CHST15: variants seen among roughly 807,000 people sequenced by gnomAD.
CHST15 encodes the protein carbohydrate sulfotransferase 15, also known as B cell RAG associated protein (GALNAC4S-6ST).
Under a neutral mutation model 53.6 loss-of-function variants are expected in CHST15, and 30 were observed. The ratio of observed to expected loss-of-function variants is 0.56; its 90% CI spans 0.42 to 0.76. The LOEUF is 0.76. CHST15 is among the 30% of genes least tolerant of loss of function. CHST15 has a pLI of 0.00. For synonymous variants in CHST15, 296 were observed against 289.8 expected (o/e 1.02, Z -0.22); for missense variants, 627 against 740.5 (o/e 0.85, Z 1.78).
At chr10:124,076,195 A>T (rs1361166715) in intron 1 of CHST15, among the ~76,000 whole-genome samples, 2 of 152,180 alleles carry the variant, frequency 1.3e-5, no homozygotes, top group African/African-American at 4.8e-5. Flanking sequence ...ACAGTGAAAA[A>T]TCACCAGGAC....
intron 1 of CHST15, among the ~76,000 whole-genome samples, chr10:124,076,928 C>G (rs1244939341): frequency 6.6e-6 from 1 of 152,166 alleles, no homozygotes; most frequent in Admixed American, 6.5e-5. Flanking sequence ...CCAGGATGGT[C>G]TCAATCTCCT....
intron 6 of CHST15, among the ~76,000 whole-genome samples, chr10:124,015,655 T>C (rs1172346464): frequency 6.6e-6 from 1 of 152,154 alleles, no homozygotes. Flanking sequence ...ATTCATTCAT[T>C]TGGCAAATAA....
At chr10:124,063,520 GTATT>G (rs1485929246) in intron 1 of CHST15, among the ~76,000 whole-genome samples, 1 of 152,026 alleles carries the variant, frequency 6.6e-6, no homozygotes, top group Non-Finnish European at 1.5e-5. Flanking sequence ...GGTCAAACAA[GTATT>G]TATTTATAGA....
chr10:124,060,294 T>C (rs1166353479), intron 1 of CHST15, among the ~76,000 whole-genome samples: 3 of 144,400 alleles, frequency 2.1e-5, no homozygotes, highest in Non-Finnish European at 4.5e-5. Flanking sequence ...GGAGTGAGTG[T>C]GCAGAGGTGT....
intron 1 of CHST15, among the ~76,000 whole-genome samples, chr10:124,078,550 T>C (rs946870218): frequency 1.3e-5 from 2 of 152,166 alleles, no homozygotes; most frequent in African/African-American, 4.8e-5. Context: ...AGATCTGAGG[T>C]AGAAGGTCAC....
rs569088424 is a variant in CHST15, at chr10:124,014,114, C to T, written c.1348-1634G>A. Among the ~76,000 whole-genome samples the T allele has an allele frequency of 3.3e-5, 5 of 152,332 alleles. No individual in the cohort carries two copies. The East Asian group carries it at 7.7e-4, about 23-fold the overall frequency. On this transcript the variant is annotated intron_variant, in intron 6 of 7. Coordinates refer to ENST00000435907, the MANE Select transcript of CHST15 (RefSeq NM_001270764.2). ...CATACATGCAGCACTTCCTGGCTCC[C>T]CAGGCTCCTCCCTGGAGTTCCCATT... is the stretch of plus-strand genomic sequence containing the variant.
rs1946915223 is a variant in CHST15, at chr10:124,024,412, C to A, written c.1191-3000G>T. 6.7e-6 allele frequency among the ~76,000 whole-genome samples: 1 copy of A among 150,198 alleles called. No homozygotes were observed. The highest frequency in any genetic ancestry group is 2.5e-5 in the African/African-American group (1 of 40,480). The stretch of plus-strand genomic sequence containing the variant: ...TCCACAGAGGACACCTCTTGGAAGT[C>A]TTGAGCAGTTTGAGATCTACCCACA... On this transcript the variant is annotated intron_variant, in intron 5 of 7. Coordinates refer to ENST00000435907, the MANE Select transcript of CHST15 (RefSeq NM_001270764.2). The surrounding 1 kb of genome is among the most constrained non-coding windows in gnomAD (Gnocchi z 4.0).
At chr10:124,038,760 GAT>G in intron 4 of CHST15, 89 bp from the exon 5 acceptor site, 1 of 1,369,550 alleles carries the variant, frequency 7.3e-7, no homozygotes. Context: ...ACCTGGCCCC[GAT>G]GCCTTCCTCT....
chr10:124,090,713 C>T (rs569685690), intron 1 of CHST15, among the ~76,000 whole-genome samples: 9 of 152,376 alleles, frequency 5.9e-5, no homozygotes, highest in Non-Finnish European at 1.2e-4. Flanking sequence ...CTGCAGCCCT[C>T]ACAGCAGCCA....
Position 124,038,731 on chromosome 10 carries a change from T to C in CHST15, c.1034-60A>G, listed in dbSNP as rs1947620126. 5 of 1,575,560 alleles carry C rather than the reference T, an allele frequency of 3.2e-6. No individual in the cohort carries two copies. The Admixed American group carries it at 8.4e-5, about 27-fold the overall frequency. ...GTGATTCAGGCTCCCACGGAGTGGC[T>C]CTAGGTGCCAGAGGCCACACCTGGC... On this transcript the variant is annotated intron_variant, in intron 4 of 7. Transcript: ENST00000435907.
At chr10:124,087,944 A>T (rs1244489670) in intron 1 of CHST15, among the ~76,000 whole-genome samples, 2 of 152,250 alleles carry the variant, frequency 1.3e-5, no homozygotes, top group African/African-American at 4.8e-5. Flanking sequence ...ACAGATGAGG[A>T]GACAGAGTCC....
In CHST15 at chr10:124,020,964, C is replaced by A. The variant is rs558539961; in HGVS notation, c.1347+292G>T. Reference sequence around the variant, plus strand: ...TCCTCATGTCTGCCGATTCTAATTGCTGGGTGTCTTGCTAAATGGTAATCT... The same window carrying A: ...TCCTCATGTCTGCCGATTCTAATTGATGGGTGTCTTGCTAAATGGTAATCT... On this transcript the variant is annotated intron_variant, in intron 6 of 7. Transcript: ENST00000435907. 1.1e-4 allele frequency: 150 copies of A among 1,394,428 alleles called. 1 individual carries two copies. In the Middle Eastern group the frequency reaches 1.3e-3, roughly 12 times the overall value. 86.4% of individuals were successfully genotyped at this position (1,394,428 alleles called of 1,614,324 possible).
At chr10:124,070,974 C>T (rs892031820) in intron 1 of CHST15, among the ~76,000 whole-genome samples, 37 of 152,296 alleles carry the variant, frequency 2.4e-4, no homozygotes, top group African/African-American at 8.9e-4. Context: ...AGGCAGGAGG[C>T]AGAAATAAAA....
intron 1 of CHST15, among the ~76,000 whole-genome samples, chr10:124,064,505 G>C (rs976282367): frequency 1.3e-5 from 2 of 152,136 alleles, no homozygotes; most frequent in Admixed American, 1.3e-4. Flanking sequence ...TGGCGCTGTG[G>C]GGCTTGCGGC....
At chr10:124,045,112 C>CAAAAAAAAAAACAAAAAAAAAAAAAAAAA (rs1947916852) in intron 2 of CHST15, among the ~76,000 whole-genome samples, 193 bp from the exon 3 acceptor site, 1 of 33,800 alleles carries the variant, frequency 3.0e-5, no homozygotes, top group Non-Finnish European at 6.8e-5. Context: ...CGCCGCCCCA[C>CAAAAAAAAAAACAAAAAAAAAAAAAAAAA]AAAAAAAAAA....
chr10:124,090,659 C>G (rs1024172994), intron 1 of CHST15, among the ~76,000 whole-genome samples: 2 of 152,214 alleles, frequency 1.3e-5, no homozygotes, highest in African/African-American at 4.8e-5. Context: ...CTTTTCCTGG[C>G]CAGGGGCAGC....
chr10:124,040,727 C>T (rs916662101), intron 4 of CHST15, among the ~76,000 whole-genome samples: 4 of 152,206 alleles, frequency 2.6e-5, no homozygotes, highest in African/African-American at 7.2e-5. Flanking sequence ...AATGAACGGC[C>T]GCAAGGCACA....
At chr10:124,037,752 C>G (rs1483067637) in intron 5 of CHST15, among the ~76,000 whole-genome samples, 1 of 152,226 alleles carries the variant, frequency 6.6e-6, no homozygotes, top group African/African-American at 2.4e-5. Context: ...CTGCTCTGCT[C>G]AGCATTGTTC....
chr10:124,038,780 C>T (rs1471179893), intron 4 of CHST15, 109 bp from the exon 5 acceptor site: 5 of 1,142,538 alleles, frequency 4.4e-6, no homozygotes, highest in Non-Finnish European at 6.2e-6. Flanking sequence ...TCTTAAGCAG[C>T]GGGAGAGGCC....
Sources: allele counts gnomAD v4.1 joint callset (sites outside exome capture counted in the v4.1 genomes callset), GRCh38; gene constraint gnomAD v4.1.1; non-coding constraint Gnocchi (gnomAD v3.1); transcripts MANE v1.5; gene names NCBI Gene and HGNC (gene_info 2026-07-23, HGNC 2026-07-21).